Variants in RNF32 observed in about 807,000 individuals in gnomAD.
The protein encoded by RNF32 is ring finger protein 32.
A neutral mutation model predicts 41.0 loss-of-function variants in RNF32; 36 were observed. The ratio of observed to expected loss-of-function variants is 0.88; its 90% CI spans 0.67 to 1.16. The LOEUF (loss-of-function observed/expected upper bound fraction) is 1.16, where lower values mean the gene tolerates loss of function less well. Among genes scored for constraint, RNF32 ranks in the 50% most tolerant of loss-of-function variants. RNF32 has a pLI of 0.00. For missense variants in RNF32, 413 were observed against 436.7 expected (o/e 0.95, Z 0.48); for synonymous variants, 154 against 160.9 (o/e 0.96, Z 0.32).
At chr7:156,649,694 T>C (rs1429051465) in intron 3 of RNF32, among the ~76,000 whole-genome samples, 1 of 152,218 alleles carries the variant, frequency 6.6e-6, no homozygotes, top group Non-Finnish European at 1.5e-5. Flanking sequence ...GGTTTTCTCC[T>C]TGAGTTTGTT....
chr7:156,663,902 A>C (rs535302125), intron 7 of RNF32, among the ~76,000 whole-genome samples: 33 of 152,372 alleles, frequency 2.2e-4, no homozygotes, highest in African/African-American at 7.2e-4. Flanking sequence ...TACTGCCAAG[A>C]ACATTCCACA....
intron 7 of RNF32, among the ~76,000 whole-genome samples, chr7:156,665,152 T>A (rs1290696058): frequency 1.3e-5 from 2 of 152,218 alleles, no homozygotes; most frequent in East Asian, 1.9e-4. Flanking sequence ...TTCAGATTCA[T>A]CGGTGTCTAT....
At chr7:156,664,686 TTAA>T (rs1411221419) in intron 7 of RNF32, among the ~76,000 whole-genome samples, 1 of 152,186 alleles carries the variant, frequency 6.6e-6, no homozygotes, top group East Asian at 1.9e-4. Flanking sequence ...CTGGAAGAGC[TTAA>T]TAATAAATGT....
At chr7:156,675,628 C>T (rs9632531) in intron 7 of RNF32, 68 bp from the exon 8 acceptor site, 7 of 1,390,412 alleles carry the variant, frequency 5.0e-6, no homozygotes, top group Admixed American at 3.5e-5. Flanking sequence ...TGGTCAGGCT[C>T]GAGAGCGCTT....
rs1476277792 is a variant in RNF32 at position 156,644,488 on chromosome 7, C to T, written c.16-11C>T. 7.5e-6 allele frequency: 12 copies of T among 1,599,608 alleles called. No homozygotes were observed. The highest frequency in any genetic ancestry group is 2.2e-4 in the Middle Eastern group (1 of 4,504). On this transcript the variant is annotated splice_polypyrimidine_tract_variant and intron_variant, in intron 2 of 8. Transcript: ENST00000317955. ...TACTCCTCTAAATATGACTTTTTTC[C>T]TACTTTTTAGGGTCACTCATCTAAG... is the stretch of plus-strand genomic sequence containing the variant.
At chr7:156,653,039 TATG>T (rs1798983751) in intron 3 of RNF32, among the ~76,000 whole-genome samples, 1 of 152,236 alleles carries the variant, frequency 6.6e-6, no homozygotes, top group Non-Finnish European at 1.5e-5. Flanking sequence ...GTAGACTGTT[TATG>T]ATGTCTACAG....
At chr7:156,675,379 G>A (rs555241798) in intron 7 of RNF32, among the ~76,000 whole-genome samples, 22 of 152,296 alleles carry the variant, frequency 1.4e-4, no homozygotes, top group South Asian at 8.3e-4. Context: ...GAGGTCAGAC[G>A]GTCCCTCCTG....
intron 4 of RNF32, among the ~76,000 whole-genome samples, chr7:156,656,969 T>C (rs1799784754): frequency 6.6e-6 from 1 of 152,260 alleles, no homozygotes; most frequent in South Asian, 2.1e-4. Context: ...CACAGCCCAG[T>C]ATATCACTGT....
chr7:156,640,694 G>T, upstream of RNF32: 1 of 292,674 alleles, frequency 3.4e-6, no homozygotes, highest in Non-Finnish European at 6.6e-6. Flanking sequence ...TGGTGAGCAA[G>T]CCCGCGGGGA....
chr7:156,655,317 A>G (rs1799475602), intron 4 of RNF32, among the ~76,000 whole-genome samples: 1 of 152,060 alleles, frequency 6.6e-6, no homozygotes, highest in South Asian at 2.1e-4. Flanking sequence ...GAGAATGCAT[A>G]TAGGGTTTTT....
intron 7 of RNF32, among the ~76,000 whole-genome samples, chr7:156,661,859 G>C: frequency 6.6e-6 from 1 of 152,158 alleles, no homozygotes; most frequent in East Asian, 1.9e-4. Flanking sequence ...ACAAGTGACC[G>C]TGTTATCTGC....
intron 2 of RNF32, 78 bp from the exon 3 acceptor site, chr7:156,644,421 G>A (rs756511126): frequency 1.8e-4 from 197 of 1,104,212 alleles, no homozygotes; most frequent in Non-Finnish European, 2.5e-4. Context: ...TCAAGGTTGA[G>A]TATTGAAGCC....
intron 7 of RNF32, chr7:156,660,012 G>T: frequency 1.0e-6 from 1 of 985,500 alleles, no homozygotes; most frequent in Non-Finnish European, 1.2e-6. Context: ...CCCACTGGAC[G>T]TTGGGTCCGC....
Position 156,669,459 on chromosome 7 carries a change from C to T in RNF32, c.685-6237C>T, listed in dbSNP as rs1429713498. Among the ~76,000 whole-genome samples, 2 of 152,082 alleles carry T rather than the reference C, an allele frequency of 1.3e-5. No homozygotes were observed. The highest frequency in any genetic ancestry group is 6.5e-5 in the Admixed American group (1 of 15,284). ...CTGAACCCAAATGGAGGAACCGTGC[C>T]GTTCCCTGGAACCTCTGTCCAGGCA... On this transcript the variant is annotated intron_variant, in intron 7 of 8. Transcript: ENST00000317955. This position sits in a 1 kb window ranked among gnomAD's most constrained non-coding sequence, Gnocchi z 4.2.
In RNF32 at chr7:156,654,563, T is replaced by C; in HGVS notation, c.275-13T>C. 6.2e-7 allele frequency: 1 copy of C among 1,612,692 alleles called. No individual in the cohort carries two copies. The highest frequency in any genetic ancestry group is 8.5e-7 in the Non-Finnish European group (1 of 1,178,828). Reference sequence around the variant, plus strand: ...AGACACTCTAACTCCTGTCCTGTGCTGTCTTACTTTAGCACAGAAGTTGGG... The same window carrying C: ...AGACACTCTAACTCCTGTCCTGTGCCGTCTTACTTTAGCACAGAAGTTGGG... On this transcript the variant is annotated splice_polypyrimidine_tract_variant and intron_variant, in intron 3 of 8. Transcript: ENST00000317955.
chr7:156,644,416 G>T (rs1288907702), intron 2 of RNF32, 83 bp from the exon 3 acceptor site: 1 of 1,053,298 alleles, frequency 9.5e-7, no homozygotes, highest in Non-Finnish European at 1.4e-6. Context: ...TGCCATCAAG[G>T]TTGAGTATTG....
intron 7 of RNF32, among the ~76,000 whole-genome samples, chr7:156,666,386 T>G (rs753249099): frequency 6.6e-6 from 1 of 152,228 alleles, no homozygotes; most frequent in Non-Finnish European, 1.5e-5. Flanking sequence ...CCTCTTTCTG[T>G]GAAGAGGAAT....
At chr7:156,672,797 C>T (rs769000220) in intron 7 of RNF32, among the ~76,000 whole-genome samples, 15 of 152,234 alleles carry the variant, frequency 9.9e-5, no homozygotes, top group Non-Finnish European at 1.6e-4. Flanking sequence ...GCACGCACAG[C>T]GATACCCATG....
chr7:156,640,663 T>TGGGGC (rs202024647), upstream of RNF32: 3,792 of 328,294 alleles, frequency 0.012, 118 homozygotes, highest in African/African-American at 0.072. Context: ...ATGCGCAGTA[T>TGGGGC]GGGGCGGGGC....
Sources: allele counts gnomAD v4.1 joint callset (sites outside exome capture counted in the v4.1 genomes callset), GRCh38; gene constraint gnomAD v4.1.1; non-coding constraint Gnocchi (gnomAD v3.1); transcripts MANE v1.5; gene names NCBI Gene and HGNC (gene_info 2026-07-23, HGNC 2026-07-21).